The following TRPM1 variants were observed in gnomAD, a reference collection of about 807,000 sequenced individuals.
The protein encoded by TRPM1 is transient receptor potential cation channel subfamily M member 1, also known as TRPM1-203 APA Isoform, Intron 10.
TRPM1 carries 113 observed loss-of-function variants against 149.4 expected under a neutral mutation model. The ratio of observed to expected loss-of-function variants is 0.76; its 90% CI spans 0.65 to 0.88. The LOEUF is 0.88. Ranked by LOEUF, TRPM1 falls within the 40% of genes least tolerant of loss-of-function variation. TRPM1 has a pLI of 0.00. For synonymous variants in TRPM1, 741 were observed against 759.5 expected (o/e 0.98, Z 0.40); for missense variants, 1,976 against 2,038.7 (o/e 0.97, Z 0.59).
At chr15:31,050,122 G>C (rs2033905571) in intron 12 of TRPM1, among the ~76,000 whole-genome samples, 1 of 152,196 alleles carries the variant, frequency 6.6e-6, no homozygotes, top group Admixed American at 6.5e-5. Flanking sequence ...ATCAAGCATT[G>C]GCATGTCTGC....
rs1387681228 is a variant in TRPM1, at chr15:31,070,404, C to T, written c.84-178G>A. The T allele has an allele frequency of 8.4e-6, 6 of 716,036 alleles. No individual in the cohort carries two copies. The East Asian group carries it at 1.6e-4, about 19-fold the overall frequency. 44.4% of individuals were successfully genotyped at this position (716,036 alleles called of 1,614,324 possible). ...CATCTGATGGCCTTTTCCAGATAAT[C>T]AGTGCACATCTCTTTATATGCCAGT... On this transcript the variant is annotated intron_variant, in intron 3 of 27. Transcript: ENST00000256552.
upstream of TRPM1, among the ~76,000 whole-genome samples, chr15:31,102,179 C>A (rs1465424812): frequency 1.3e-5 from 2 of 152,204 alleles, no homozygotes; most frequent in African/African-American, 2.4e-5. Flanking sequence ...AACCCAGCTG[C>A]AAATGCAGTG....
intron 1 of TRPM1, among the ~76,000 whole-genome samples, chr15:31,147,802 T>C (rs1005825450): frequency 6.6e-6 from 1 of 152,144 alleles, no homozygotes; most frequent in Non-Finnish European, 1.5e-5. Context: ...TAACTTTTCT[T>C]AGTAGCTGAG....
At chr15:31,036,531 A>G (rs1249528745) in intron 20 of TRPM1, among the ~76,000 whole-genome samples, 16 of 152,094 alleles carry the variant, frequency 1.1e-4, no homozygotes, top group Non-Finnish European at 2.9e-5. Flanking sequence ...CTCTTTGAAG[A>G]AAGATTAGAG....
intron 3 of TRPM1, among the ~76,000 whole-genome samples, chr15:31,071,963 C>CAAA (rs71790815): frequency 6.6e-4 from 20 of 30,324 alleles, no homozygotes; most frequent in Non-Finnish European, 8.8e-4. Flanking sequence ...GACTCCGTCT[C>CAAA]AAAAAAAAAA....
chr15:31,132,664 G>A (rs1201382444), intron 1 of TRPM1, among the ~76,000 whole-genome samples: 1 of 152,166 alleles, frequency 6.6e-6, no homozygotes, highest in Non-Finnish European at 1.5e-5. Flanking sequence ...CCGACAGGGC[G>A]CCAGTGATAT....
chr15:31,118,720 T>C (rs2035836006), intron 1 of TRPM1, among the ~76,000 whole-genome samples: 1 of 152,160 alleles, frequency 6.6e-6, no homozygotes, highest in South Asian at 2.1e-4. Flanking sequence ...AGAAGACTGA[T>C]TGCCAGCTTC....
At chr15:31,080,959 GAT>G (rs1277828338) in intron 2 of TRPM1, among the ~76,000 whole-genome samples, 2 of 152,258 alleles carry the variant, frequency 1.3e-5, no homozygotes, top group African/African-American at 4.8e-5. Flanking sequence ...GCCACCGGCG[GAT>G]GAGGGAGCAA....
At chr15:31,139,527 A>G (rs986715620) in intron 1 of TRPM1, among the ~76,000 whole-genome samples, 6 of 152,238 alleles carry the variant, frequency 3.9e-5, no homozygotes, top group African/African-American at 1.4e-4. Flanking sequence ...AATATAAGAA[A>G]GAGTCATAAT....
rs768889606 is a variant in TRPM1, at chr15:31,026,135, G to T, written c.3629+4C>A. 10 of 1,610,840 alleles carry T rather than the reference G, an allele frequency of 6.2e-6. No individual in the cohort carries two copies. The African/African-American group carries it at 9.3e-5, about 15-fold the overall frequency. On this transcript the variant is annotated splice_donor_region_variant and intron_variant, in intron 27 of 27. Transcript: ENST00000256552. ...CGGGCCCGCGGTGGGGACGCTACAC[G>T]TACCTTTCAGAAGTGACCCGGATGC...
At chr15:31,117,267 C>T (rs1438912680) in intron 1 of TRPM1, among the ~76,000 whole-genome samples, 1 of 151,910 alleles carries the variant, frequency 6.6e-6, no homozygotes. Flanking sequence ...GGGTGGATCA[C>T]CTAAGGTCAG....
chr15:31,055,009 T>G (rs1274958826), intron 11 of TRPM1, among the ~76,000 whole-genome samples: 1 of 152,170 alleles, frequency 6.6e-6, no homozygotes, highest in Non-Finnish European at 1.5e-5. Flanking sequence ...TAACAGAAAA[T>G]ATAGATAGAA....
At chr15:31,077,764 T>A (rs901982712) in intron 2 of TRPM1, among the ~76,000 whole-genome samples, 8 of 152,048 alleles carry the variant, frequency 5.3e-5, no homozygotes, top group Admixed American at 1.3e-4. Flanking sequence ...TTTGTGTATG[T>A]GTCTGATGGA....
At chr15:31,112,350 T>C (rs540440413) in intron 1 of TRPM1, among the ~76,000 whole-genome samples, 1 of 152,284 alleles carries the variant, frequency 6.6e-6, no homozygotes, top group Admixed American at 6.5e-5. Flanking sequence ...TGGTGGTGCA[T>C]GCCTGTAATC....
chr15:31,104,718 C>A (rs557090837), upstream of TRPM1, among the ~76,000 whole-genome samples: 2 of 151,548 alleles, frequency 1.3e-5, no homozygotes, highest in Non-Finnish European at 2.9e-5. Context: ...CTCAGCCTCC[C>A]GAGTAGCTGG....
chr15:31,097,376 G>C (rs1056499326), intron 1 of TRPM1, among the ~76,000 whole-genome samples: 1 of 152,176 alleles, frequency 6.6e-6, no homozygotes, highest in African/African-American at 2.4e-5. Flanking sequence ...CAAACCCCAA[G>C]GCAAATTGGT....
At chr15:31,062,335 G>A (rs1053548589) in intron 9 of TRPM1, among the ~76,000 whole-genome samples, 1 of 152,168 alleles carries the variant, frequency 6.6e-6, no homozygotes, top group African/African-American at 2.4e-5. Context: ...AGCCTCAGAG[G>A]GTGTTGTGTG....
chr15:31,048,787 G>A, intron 13 of TRPM1, among the ~76,000 whole-genome samples: 1 of 152,060 alleles, frequency 6.6e-6, no homozygotes, highest in Non-Finnish European at 1.5e-5. Context: ...ACCCCAGCCT[G>A]GGCAACAAGA....
Position 31,037,855 on chromosome 15 carries a change from G to T in TRPM1, c.2440-13C>A, listed in dbSNP as rs751355642. ...CTGCATTTGCATCCTGGAAAACAGAGCACAGCACATGACAGGCAGGTGGCT... is the reference window on the plus strand; with the variant it reads ...CTGCATTTGCATCCTGGAAAACAGATCACAGCACATGACAGGCAGGTGGCT... On this transcript the variant is annotated splice_polypyrimidine_tract_variant and intron_variant, in intron 19 of 27. Coordinates refer to ENST00000256552, the MANE Select transcript of TRPM1 (RefSeq NM_001252024.2). 2 of 1,614,092 alleles carry T rather than the reference G, an allele frequency of 1.2e-6. No homozygotes were observed. The highest frequency in any genetic ancestry group is 2.2e-5 in the South Asian group (2 of 91,072).
Sources: gnomAD v4.1 joint callset for allele counts (sites outside exome capture counted in the v4.1 genomes callset) on GRCh38, gnomAD v4.1.1 for gene constraint, MANE v1.5 for transcripts, NCBI Gene and HGNC (gene_info 2026-07-23, HGNC 2026-07-21) for gene names.